ROBO2: variants seen among roughly 807,000 people sequenced by gnomAD.
The protein encoded by ROBO2 is roundabout guidance receptor 2.
Under a neutral mutation model 160.8 loss-of-function variants are expected in ROBO2, and 53 were observed. That is an observed-to-expected ratio of 0.33 (90% confidence interval 0.26 to 0.41). The LOEUF is 0.41. Among genes scored for constraint, ROBO2 ranks in the 10% least tolerant of loss-of-function variants. The pLI is 1.00. For synonymous variants in ROBO2, 664 were observed against 611.7 expected (o/e 1.09, Z -1.26); for missense variants, 1,577 against 1,722.4 (o/e 0.92, Z 1.49).
chr3:76,629,989 A>G (rs1273672380), intron 2 of ROBO2, among the ~76,000 whole-genome samples: 3 of 152,154 alleles, frequency 2.0e-5, no homozygotes, highest in African/African-American at 7.2e-5. Flanking sequence ...CTTTTGACAT[A>G]GAATCAGGTG....
At chr3:76,324,643 A>G (rs1239378852) in intron 2 of ROBO2, among the ~76,000 whole-genome samples, 3 of 152,204 alleles carry the variant, frequency 2.0e-5, no homozygotes, top group Admixed American at 6.5e-5. Flanking sequence ...TCAAAAGTAC[A>G]TGAAAACAGA....
intron 2 of ROBO2, among the ~76,000 whole-genome samples, chr3:75,938,749 A>T (rs1365554953): frequency 1.3e-5 from 2 of 152,158 alleles, no homozygotes; most frequent in Non-Finnish European, 2.9e-5. Context: ...CAAAACCACA[A>T]ATGCATGTGT....
intron 2 of ROBO2, among the ~76,000 whole-genome samples, chr3:77,303,688 G>T (rs1405220161): frequency 1.3e-5 from 2 of 151,742 alleles, no homozygotes; most frequent in Non-Finnish European, 2.9e-5. Context: ...TAATCCAATT[G>T]TATTCATCAT....
chr3:77,041,402 G>A (rs2064078125), intron 1 of ROBO2, among the ~76,000 whole-genome samples: 2 of 152,200 alleles, frequency 1.3e-5, no homozygotes, highest in Admixed American at 6.5e-5. Flanking sequence ...GACTGGGCGA[G>A]GCTCCACGAA....
At position 77,152,280 on chromosome 3, in the gene ROBO2, A is replaced by T. The variant is rs116158441; in HGVS notation, c.388+53940A>T. On this transcript the variant is annotated intron_variant, in intron 2 of 25. Transcript: ENST00000461745. ...TTAAAATTTACTAGGTTCCATAGTA[A>T]AGAGGAAAACAAAACAGCTAAAATT... 6.2e-3 allele frequency among the ~76,000 whole-genome samples: 951 copies of T among 152,344 alleles called. 12 individuals carry two copies. Among genetic ancestry groups the T allele is most frequent in the African/African-American group, 0.022 (908 of 41,578 alleles).
chr3:77,476,009 G>C (rs879657667), intron 2 of ROBO2, among the ~76,000 whole-genome samples: 1 of 152,158 alleles, frequency 6.6e-6, no homozygotes, highest in Admixed American at 6.5e-5. Flanking sequence ...ATTTCTTACT[G>C]CTCCTTCAAT....
chr3:76,911,670 A>G (rs1295399538), intron 2 of ROBO2, among the ~76,000 whole-genome samples: 1 of 152,214 alleles, frequency 6.6e-6, no homozygotes, highest in African/African-American at 2.4e-5. Context: ...TCCAAGTTTG[A>G]AAGATTTTTT....
chr3:76,553,833 A>G (rs1188915056), intron 2 of ROBO2, among the ~76,000 whole-genome samples: 1 of 152,186 alleles, frequency 6.6e-6, no homozygotes, highest in Non-Finnish European at 1.5e-5. Context: ...CTCATAAGCA[A>G]TGAAATTGTG....
intron 2 of ROBO2, among the ~76,000 whole-genome samples, chr3:76,481,684 A>G (rs953016000): frequency 2.0e-5 from 3 of 152,094 alleles, no homozygotes; most frequent in African/African-American, 7.2e-5. Context: ...GAACTCTGTG[A>G]GTGAATCCCA....
chr3:76,553,705 G>C (rs2108388031), intron 2 of ROBO2, among the ~76,000 whole-genome samples: 1 of 152,198 alleles, frequency 6.6e-6, no homozygotes, highest in Non-Finnish European at 1.5e-5. Flanking sequence ...TTCCTTAAGA[G>C]CTTTCTGTTT....
At chr3:76,322,172 A>G (rs1395861760) in intron 2 of ROBO2, among the ~76,000 whole-genome samples, 1 of 35,904 alleles carries the variant, frequency 2.8e-5, no homozygotes, top group Non-Finnish European at 8.1e-5. Flanking sequence ...CCGTATATAT[A>G]TATATATATA....
intron 1 of ROBO2, among the ~76,000 whole-genome samples, chr3:77,057,253 C>A (rs9847747): frequency 9.9e-4 from 151 of 152,066 alleles, no homozygotes; most frequent in African/African-American, 3.5e-3. Flanking sequence ...TAGGTGGGAA[C>A]TGAACAATGA....
At chr3:76,112,460 T>A (rs965128376) in intron 2 of ROBO2, among the ~76,000 whole-genome samples, 1 of 152,064 alleles carries the variant, frequency 6.6e-6, no homozygotes, top group Admixed American at 6.6e-5. Context: ...CAATTATCCT[T>A]GGGTTTTTAG....
intron 2 of ROBO2, among the ~76,000 whole-genome samples, chr3:77,253,241 C>T (rs76612521): frequency 3.3e-5 from 5 of 151,898 alleles, no homozygotes; most frequent in Admixed American, 6.6e-5. Flanking sequence ...AATTGTGGTT[C>T]CTAAGAGACT....
At chr3:77,416,471 C>A (rs1479672095) in intron 2 of ROBO2, among the ~76,000 whole-genome samples, 1 of 152,070 alleles carries the variant, frequency 6.6e-6, no homozygotes, top group Non-Finnish European at 1.5e-5. Flanking sequence ...GTAATCCCAG[C>A]ACTTTAGGAG....
At chr3:76,411,233 A>G (rs1246658331) in intron 2 of ROBO2, among the ~76,000 whole-genome samples, 4 of 152,174 alleles carry the variant, frequency 2.6e-5, no homozygotes, top group Non-Finnish European at 4.4e-5. Flanking sequence ...GTTTAATTCA[A>G]CAAACATATA....
At chr3:77,091,713 T>C (rs2150025307) in intron 1 of ROBO2, among the ~76,000 whole-genome samples, 1 of 152,196 alleles carries the variant, frequency 6.6e-6, no homozygotes, top group South Asian at 2.1e-4. Context: ...GTAAGGTGGC[T>C]CATGCCTGTA....
intron 2 of ROBO2, among the ~76,000 whole-genome samples, chr3:76,197,839 C>G (rs1168233369): frequency 6.6e-6 from 1 of 152,174 alleles, no homozygotes; most frequent in Non-Finnish European, 1.5e-5. Flanking sequence ...CATATGGACA[C>G]TTGATGTGCC....
chr3:77,101,078 G>T (rs528685270), intron 2 of ROBO2, among the ~76,000 whole-genome samples: 3 of 152,296 alleles, frequency 2.0e-5, no homozygotes, highest in South Asian at 4.1e-4. Flanking sequence ...TGAGAAAAGA[G>T]AATCTTTGAA....
Sources: allele counts gnomAD v4.1 joint callset (sites outside exome capture counted in the v4.1 genomes callset), GRCh38; gene constraint gnomAD v4.1.1; transcripts MANE v1.5; gene names NCBI Gene and HGNC (gene_info 2026-07-23, HGNC 2026-07-21).